Variants in DTD1 observed in about 807,000 individuals in gnomAD.
DTD1 encodes D-aminoacyl-tRNA deacylase 1.
Under a neutral mutation model 25.6 loss-of-function variants are expected in DTD1, and 13 were observed. That is an observed-to-expected ratio of 0.51 (90% CI 0.33 to 0.81). The LOEUF (loss-of-function observed/expected upper bound fraction) is 0.81, where lower values mean the gene tolerates loss of function less well. Ranked by LOEUF, DTD1 falls within the 30% of genes least tolerant of loss-of-function variation. The pLI is 0.02. For synonymous variants in DTD1, 110 were observed against 103.6 expected (o/e 1.06, Z -0.37); for missense variants, 193 against 266.4 (o/e 0.72, Z 1.92).
chr20:18,616,565 A>C (rs1050565037), intron 3 of DTD1, among the ~76,000 whole-genome samples: 1 of 152,152 alleles, frequency 6.6e-6, no homozygotes, highest in African/African-American at 2.4e-5. Context: ...AAGCAGGAGA[A>C]TCACTTCAGC....
chr20:18,681,976 G>C (rs186324410), intron 4 of DTD1, among the ~76,000 whole-genome samples: 79 of 152,350 alleles, frequency 5.2e-4, no homozygotes, highest in Non-Finnish European at 9.1e-4. Context: ...TAAGGGAGAT[G>C]AGTGGCAGCG....
chr20:18,762,530 C>T (rs2061367118), intron 5 of DTD1, among the ~76,000 whole-genome samples: 2 of 152,200 alleles, frequency 1.3e-5, no homozygotes, highest in Admixed American at 6.5e-5. Flanking sequence ...CTTAAGCTCC[C>T]ATCCCTCTAC....
At chr20:18,650,781 G>A (rs1306616649) in intron 4 of DTD1, among the ~76,000 whole-genome samples, 1 of 152,150 alleles carries the variant, frequency 6.6e-6, no homozygotes, top group African/African-American at 2.4e-5. Flanking sequence ...AAAGGCAGAT[G>A]GAGGATTTCT....
intron 3 of DTD1, among the ~76,000 whole-genome samples, chr20:18,597,758 A>G (rs1205564049): frequency 1.3e-5 from 2 of 152,152 alleles, no homozygotes; most frequent in Non-Finnish European, 2.9e-5. Context: ...AACTGGCTGT[A>G]TTTGATAATA....
At chr20:18,717,829 A>G (rs923816778) in intron 4 of DTD1, among the ~76,000 whole-genome samples, 1 of 152,204 alleles carries the variant, frequency 6.6e-6, no homozygotes, top group African/African-American at 2.4e-5. Flanking sequence ...TTAACCAGCC[A>G]TTGCATGTTA....
chr20:18,631,871 C>T (rs1401723623), intron 4 of DTD1: 3 of 985,076 alleles, frequency 3.0e-6, no homozygotes, highest in Non-Finnish European at 3.6e-6. Flanking sequence ...GTACATTTTG[C>T]CTTTAGAATC....
chr20:18,669,161 G>T (rs80198459), intron 4 of DTD1, among the ~76,000 whole-genome samples: 2 of 152,114 alleles, frequency 1.3e-5, no homozygotes, highest in Non-Finnish European at 2.9e-5. Flanking sequence ...TGGGGACCAG[G>T]GGGTAGTGAG....
intron 4 of DTD1, among the ~76,000 whole-genome samples, chr20:18,730,760 C>T (rs969471112): frequency 2.0e-5 from 3 of 152,140 alleles, no homozygotes; most frequent in African/African-American, 4.8e-5. Context: ...TTATTATTCT[C>T]AAGAGGCTGG....
chr20:18,749,000 T>C (rs993497099), intron 5 of DTD1, among the ~76,000 whole-genome samples: 6 of 152,064 alleles, frequency 3.9e-5, no homozygotes, highest in Admixed American at 3.3e-4. Flanking sequence ...ATGGGGCCCT[T>C]GGGAAGAGGC....
rs1568677129 is a variant in DTD1 at position 18,708,361 on chromosome 20, TATA to T, written c.478-35738_478-35736del. Among the ~76,000 whole-genome samples, 30 of 74,818 alleles carry T rather than the reference TATA, an allele frequency of 4.0e-4. 1 individual carries two copies. The highest frequency in any genetic ancestry group is 1.9e-3 in the East Asian group (6 of 3,130). 49.1% of individuals were successfully genotyped at this position (74,818 alleles called of 152,430 possible). A position where few individuals can be genotyped will look rare whatever the true frequency, so the allele number is the denominator to read the frequency against. On this transcript the variant is annotated intron_variant, in intron 4 of 5. Transcript: ENST00000377452. ...TATATATATATTATATATCTATATA[TATA>T]TTTTTTTTTGATACAAAGTCTCACT...
At chr20:18,716,335 C>T (rs1038132107) in intron 4 of DTD1, among the ~76,000 whole-genome samples, 1 of 152,212 alleles carries the variant, frequency 6.6e-6, no homozygotes, top group African/African-American at 2.4e-5. Context: ...CACAGTGTGT[C>T]TGGATTCAGG....
At chr20:18,693,794 G>T (rs1432151784) in intron 4 of DTD1, among the ~76,000 whole-genome samples, 1 of 152,078 alleles carries the variant, frequency 6.6e-6, no homozygotes, top group Non-Finnish European at 1.5e-5. Flanking sequence ...TCTCAGTGAG[G>T]TATTCACAGA....
rs1040815067 is a variant in DTD1, at chr20:18,664,121, G to A, written c.477+35888G>A. 6.6e-5 allele frequency among the ~76,000 whole-genome samples: 10 copies of A among 152,188 alleles called. No individual in the cohort carries two copies. The South Asian group carries it at 1.0e-3, about 16-fold the overall frequency. On this transcript the variant is annotated intron_variant, in intron 4 of 5. Transcript: ENST00000377452. The stretch of plus-strand genomic sequence containing the variant: ...AGTCACTTGGTGATGTTCACAAGAC[G>A]ATGAAATCACCTAACCATGCATTTC...
chr20:18,748,104 G>GCC (rs2061307596), intron 5 of DTD1, among the ~76,000 whole-genome samples: 1 of 151,796 alleles, frequency 6.6e-6, no homozygotes, highest in Non-Finnish European at 1.5e-5. Context: ...AACGGGAGAG[G>GCC]GAGAAACATA....
intron 5 of DTD1, among the ~76,000 whole-genome samples, chr20:18,757,364 G>A (rs962038875): frequency 3.9e-5 from 6 of 152,162 alleles, no homozygotes; most frequent in African/African-American, 4.8e-5. Context: ...TTCAAAGGGA[G>A]TGCTTCCAGT....
chr20:18,597,903 A>G (rs1480458377), intron 3 of DTD1, among the ~76,000 whole-genome samples: 1 of 152,116 alleles, frequency 6.6e-6, no homozygotes, highest in Non-Finnish European at 1.5e-5. Context: ...AGGTTTTAAA[A>G]TGTTTTTATT....
chr20:18,719,243 A>ATG (rs757441887), intron 4 of DTD1, among the ~76,000 whole-genome samples: 18 of 146,558 alleles, frequency 1.2e-4, no homozygotes, highest in East Asian at 5.9e-4. Flanking sequence ...GTGTATATAT[A>ATG]TATGTGTGTG....
intron 4 of DTD1, among the ~76,000 whole-genome samples, chr20:18,689,851 A>AATAGTG (rs1480627855): frequency 1.3e-5 from 2 of 152,372 alleles, no homozygotes; most frequent in African/African-American, 2.4e-5. Flanking sequence ...TTTAAATTTA[A>AATAGTG]GCCGGGTATG....
At chr20:18,638,855 G>T (rs1209293497) in intron 4 of DTD1, among the ~76,000 whole-genome samples, 2 of 152,142 alleles carry the variant, frequency 1.3e-5, no homozygotes, top group African/African-American at 4.8e-5. Context: ...AAAGATTCTG[G>T]ATACACTTTG....
Sources: allele counts gnomAD v4.1 joint callset (sites outside exome capture counted in the v4.1 genomes callset), GRCh38; gene constraint gnomAD v4.1.1; transcripts MANE v1.5; gene names NCBI Gene and HGNC (gene_info 2026-07-23, HGNC 2026-07-21).